AGBL1: variants seen among roughly 807,000 people sequenced by gnomAD.
AGBL1 encodes the protein AGBL carboxypeptidase 1.
Under a neutral mutation model 118.9 loss-of-function variants are expected in AGBL1, and 130 were observed. The ratio of observed to expected loss-of-function variants is 1.09; its 90% CI spans 0.95 to 1.26. The LOEUF (loss-of-function observed/expected upper bound fraction) is 1.26, where lower values mean the gene tolerates loss of function less well. Ranked by LOEUF, AGBL1 falls within the 50% of genes most tolerant of loss-of-function variation. The pLI is 0.00. For synonymous variants in AGBL1, 555 were observed against 478.9 expected (o/e 1.16, Z -2.08); for missense variants, 1,584 against 1,298.1 (o/e 1.22, Z -3.38).
chr15:86,221,971 T>C (rs1597579500), intron 5 of AGBL1, among the ~76,000 whole-genome samples: 1 of 152,160 alleles, frequency 6.6e-6, no homozygotes, highest in Admixed American at 6.6e-5. Context: ...AAATTTCCAG[T>C]TTGAAAAACA....
Position 86,526,544 on chromosome 15 carries a change from G to GTGTATATATA in AGBL1, c.2685+3606_2685+3607insGTATATATAT, listed in dbSNP as rs754816154. 1.4e-3 allele frequency among the ~76,000 whole-genome samples: 170 copies of GTGTATATATA among 119,418 alleles called. 1 individual carries two copies. The highest frequency in any genetic ancestry group is 5.5e-3 in the African/African-American group (166 of 30,454). 78.3% of individuals were successfully genotyped at this position (119,418 alleles called of 152,430 possible). On this transcript the variant is annotated intron_variant, in intron 19 of 22. Transcript: ENST00000614907. ...TGCACACAGATATGTTTGTGTCTGTGTATATATATATATATATATATATAT... is the reference window on the plus strand; with the variant it reads ...TGCACACAGATATGTTTGTGTCTGTGTGTATATATATATATATATATATATATATATATAT...
chr15:86,502,217 C>T (rs1295772732), intron 18 of AGBL1, among the ~76,000 whole-genome samples: 1 of 151,252 alleles, frequency 6.6e-6, no homozygotes, highest in Non-Finnish European at 1.5e-5. Flanking sequence ...GTAAACTTGG[C>T]TTTTAAATTT....
At chr15:86,616,955 T>G (rs2084736701) in intron 21 of AGBL1, among the ~76,000 whole-genome samples, 1 of 152,214 alleles carries the variant, frequency 6.6e-6, no homozygotes. Context: ...CAGGAGCGAT[T>G]GCTTGCTGGT....
chr15:86,678,415 C>G (rs1013169831), intron 22 of AGBL1, among the ~76,000 whole-genome samples: 1 of 151,902 alleles, frequency 6.6e-6, no homozygotes, highest in African/African-American at 2.4e-5. Flanking sequence ...GATAAAAATC[C>G]TTCTATATCA....
At chr15:86,650,612 C>G (rs1390661197) in intron 21 of AGBL1, among the ~76,000 whole-genome samples, 1 of 151,558 alleles carries the variant, frequency 6.6e-6, no homozygotes, top group African/African-American at 2.4e-5. Flanking sequence ...AAAATAAGAG[C>G]AAAATAAAAA....
chr15:86,593,921 A>ATT (rs560172850), intron 21 of AGBL1, among the ~76,000 whole-genome samples: 1 of 143,906 alleles, frequency 6.9e-6, no homozygotes, highest in African/African-American at 2.5e-5. Flanking sequence ...ACACTGATTG[A>ATT]TTTTTTTTTT....
At chr15:86,403,031 A>C (rs956746744) in intron 18 of AGBL1, among the ~76,000 whole-genome samples, 9 of 152,144 alleles carry the variant, frequency 5.9e-5, no homozygotes, top group African/African-American at 2.2e-4. Context: ...GTAAAAATAG[A>C]ATGGGCAGTC....
intron 22 of AGBL1, among the ~76,000 whole-genome samples, chr15:86,733,598 T>A (rs1188151204): frequency 1.3e-5 from 2 of 152,014 alleles, no homozygotes; most frequent in Non-Finnish European, 2.9e-5. Context: ...TTCCCAGTGG[T>A]TTGTTGTTGT....
chr15:86,890,216 A>C (rs753216996), intron 22 of AGBL1, among the ~76,000 whole-genome samples: 1 of 152,056 alleles, frequency 6.6e-6, no homozygotes, highest in Non-Finnish European at 1.5e-5. Flanking sequence ...GTGTCTGTTC[A>C]TATCCTTTGC....
intron 15 of AGBL1, among the ~76,000 whole-genome samples, 157 bp from the exon 16 acceptor site, chr15:86,279,482 T>C (rs1317381453): frequency 6.6e-6 from 1 of 152,174 alleles, no homozygotes; most frequent in East Asian, 1.9e-4. Context: ...TACATTTCCC[T>C]TTTCTCAGTT....
intron 21 of AGBL1, among the ~76,000 whole-genome samples, chr15:86,586,951 A>G (rs562080022): frequency 6.6e-5 from 10 of 152,238 alleles, no homozygotes; most frequent in African/African-American, 2.4e-4. Context: ...CTGTTTAATG[A>G]GCTTTAAGGG....
intron 5 of AGBL1, among the ~76,000 whole-genome samples, chr15:86,188,572 A>G (rs1045322958): frequency 6.6e-6 from 1 of 152,232 alleles, no homozygotes; most frequent in Non-Finnish European, 1.5e-5. Context: ...TGTCCTGCAC[A>G]TCTTGAACAC....
intron 21 of AGBL1, among the ~76,000 whole-genome samples, chr15:86,562,993 C>T (rs561734055): frequency 2.9e-4 from 44 of 151,922 alleles, no homozygotes; most frequent in Admixed American, 5.2e-4. Flanking sequence ...GGTGATATCC[C>T]CTTTATCATT....
chr15:86,927,518 T>TGCAGC (rs1193874488), intron 23 of AGBL1, among the ~76,000 whole-genome samples: 1 of 152,014 alleles, frequency 6.6e-6, no homozygotes, highest in Non-Finnish European at 1.5e-5. Context: ...GCCCAGGAGT[T>TGCAGC]CCAGGCTGCA....
intron 17 of AGBL1, among the ~76,000 whole-genome samples, chr15:86,380,130 G>GA (rs150130550): frequency 0.087 from 13,234 of 152,028 alleles, 667 homozygotes; most frequent in East Asian, 0.21. Flanking sequence ...TACTGCTCAG[G>GA]AAAAACTGAC....
At chr15:86,239,071 G>T (rs2078600914) in intron 6 of AGBL1, among the ~76,000 whole-genome samples, 1 of 152,206 alleles carries the variant, frequency 6.6e-6, no homozygotes, top group African/African-American at 2.4e-5. Flanking sequence ...TGAAAGTAGA[G>T]AAATTCCTGT....
chr15:86,746,815 T>C (rs2077763409), intron 22 of AGBL1, among the ~76,000 whole-genome samples: 1 of 152,032 alleles, frequency 6.6e-6, no homozygotes, highest in Non-Finnish European at 1.5e-5. Flanking sequence ...CATGTAACTA[T>C]GCAACAACAT....
intron 24 of AGBL1, among the ~76,000 whole-genome samples, chr15:87,023,118 G>A (rs868738298): frequency 6.6e-6 from 1 of 151,986 alleles, no homozygotes; most frequent in African/African-American, 2.4e-5. Flanking sequence ...GAATGGAATG[G>A]TACCTCACAT....
chr15:86,402,461 C>T (rs1339194134), intron 18 of AGBL1, among the ~76,000 whole-genome samples: 2 of 152,026 alleles, frequency 1.3e-5, no homozygotes, highest in African/African-American at 4.8e-5. Flanking sequence ...TGTCTGATTG[C>T]TGTGGCTAGG....
Sources: allele counts gnomAD v4.1 joint callset (sites outside exome capture counted in the v4.1 genomes callset), GRCh38; gene constraint gnomAD v4.1.1; transcripts MANE v1.5; gene names NCBI Gene and HGNC (gene_info 2026-07-23, HGNC 2026-07-21).